The following THADA variants were observed in gnomAD, a reference collection of about 807,000 sequenced individuals.
The protein encoded by THADA is THADA armadillo repeat containing.
Under a neutral mutation model 219.8 loss-of-function variants are expected in THADA, and 213 were observed. The ratio of observed to expected loss-of-function variants is 0.97; its 90% CI spans 0.87 to 1.09. THADA has a LOEUF of 1.09. THADA is among the 50% of genes least tolerant of loss of function. THADA has a pLI of 0.00. For missense variants in THADA, 2,956 were observed against 2,311.3 expected (o/e 1.28, Z -5.72); for synonymous variants, 1,018 against 828.9 (o/e 1.23, Z -3.92).
intron 28 of THADA, among the ~76,000 whole-genome samples, chr2:43,402,051 CCA>C (rs1372778116): frequency 1.3e-5 from 2 of 152,058 alleles, no homozygotes; most frequent in Admixed American, 6.5e-5. Flanking sequence ...ACACAATTTC[CCA>C]CACAGTTTCA....
intron 35 of THADA, among the ~76,000 whole-genome samples, chr2:43,281,656 A>C (rs1673379698): frequency 6.6e-6 from 1 of 151,906 alleles, no homozygotes; most frequent in Non-Finnish European, 1.5e-5. Flanking sequence ...GGTCAGGCTC[A>C]AACTCCTGAC....
At chr2:43,336,348 C>T (rs781490023) in intron 30 of THADA, among the ~76,000 whole-genome samples, 4 of 151,966 alleles carry the variant, frequency 2.6e-5, no homozygotes, top group East Asian at 1.9e-4. Context: ...CTCGGCTCAC[C>T]GTAAACTCCG....
At chr2:43,288,114 A>G (rs952204381) in intron 34 of THADA, among the ~76,000 whole-genome samples, 1 of 152,224 alleles carries the variant, frequency 6.6e-6, no homozygotes, top group Non-Finnish European at 1.5e-5. Context: ...TGTTTCTATT[A>G]CAACATTTAA....
chr2:43,436,280 G>T (rs1680090838), intron 26 of THADA, among the ~76,000 whole-genome samples: 3 of 152,156 alleles, frequency 2.0e-5, no homozygotes, highest in Non-Finnish European at 4.4e-5. Context: ...TGACACCTGG[G>T]AAGAGACTAT....
At chr2:43,588,348 T>C (rs1237819312) in intron 4 of THADA, among the ~76,000 whole-genome samples, 3 of 151,686 alleles carry the variant, frequency 2.0e-5, no homozygotes, top group African/African-American at 7.3e-5. Flanking sequence ...AATCTTGTAT[T>C]ACAGAAAGCA....
intron 3 of THADA, among the ~76,000 whole-genome samples, chr2:43,591,538 G>GT (rs989047095): frequency 6.6e-6 from 1 of 151,320 alleles, no homozygotes; most frequent in Admixed American, 6.6e-5. Context: ...TAAAAAACCA[G>GT]TAATACATTT....
intron 31 of THADA, among the ~76,000 whole-genome samples, chr2:43,296,872 G>A (rs1037562983): frequency 9.2e-6 from 1 of 108,608 alleles, no homozygotes; most frequent in South Asian, 2.4e-4. Context: ...TGGAGGAGCG[G>A]ACGGGCCCCG....
intron 31 of THADA, among the ~76,000 whole-genome samples, chr2:43,314,817 G>A (rs1677894937): frequency 2.0e-5 from 3 of 152,150 alleles, no homozygotes; most frequent in Admixed American, 6.5e-5. Flanking sequence ...GAACACAGGG[G>A]ACAGAGAGTC....
At chr2:43,450,296 A>T (rs922937782) in intron 26 of THADA, among the ~76,000 whole-genome samples, 1 of 152,222 alleles carries the variant, frequency 6.6e-6, no homozygotes, top group African/African-American at 2.4e-5. Flanking sequence ...AAAATAAAAC[A>T]ACTACTAATG....
chr2:43,515,049 T>C (rs559137570), intron 22 of THADA, among the ~76,000 whole-genome samples: 1 of 58,454 alleles, frequency 1.7e-5, no homozygotes, highest in Non-Finnish European at 2.8e-5. Context: ...AATATATATA[T>C]TTTATATATA....
Position 43,571,766 on chromosome 2 carries a change from A to G in THADA, c.2005T>C (p.Tyr669His), listed in dbSNP as rs764526891. Residue 669 changes from tyrosine (Y) to histidine (H), a missense_variant, in exon 13 of 38, where the codon TAC (tyrosine) becomes CAC (histidine). By Grantham distance (83) the Tyr-to-His change is moderately conservative. Transcript: ENST00000405975. ...CCTGGAGACTGGCTGTTAAGATTGT[A>G]TGTAATAAAGAACTGAATCCACTGC... ...EMQWIQFFITYNLNSQSPGVR... is the reference protein window; with the variant it reads ...EMQWIQFFITHNLNSQSPGVR... The G allele has an allele frequency of 1.9e-6, 3 of 1,613,948 alleles. No homozygotes were observed. Among genetic ancestry groups the G allele is most frequent in the Non-Finnish European group, 2.5e-6 (3 of 1,179,836 alleles).
intron 29 of THADA, among the ~76,000 whole-genome samples, chr2:43,348,185 T>C (rs1483448873): frequency 6.6e-6 from 1 of 152,218 alleles, no homozygotes; most frequent in Non-Finnish European, 1.5e-5. Context: ...ATTTCCATTT[T>C]GAAAAATTAG....
In THADA at chr2:43,577,067, G is replaced by C. The variant is rs759772148; in HGVS notation, c.992C>G (p.Ala331Gly). The C allele has an allele frequency of 2.4e-5, 39 of 1,613,424 alleles. No homozygotes were observed. In the South Asian group the frequency reaches 4.2e-4, roughly 17 times the overall value. The change falls in exon 10 of 38, where the codon GCC (alanine) becomes GGC (glycine). Residue 331 changes from alanine to glycine, a missense_variant. By Grantham distance (60) the Ala-to-Gly change is moderately conservative. Coordinates refer to ENST00000405975, the MANE Select transcript of THADA (RefSeq NM_022065.5). ...QNGSMGRSGEALLLDTAHVLF... is the reference protein window; with the variant it reads ...QNGSMGRSGEGLLLDTAHVLF... ...AACATGTGCAGTATCCAAGAGCAGG[G>C]CCTCCCCACTCCGACCCATGCTTCC...
intron 26 of THADA, among the ~76,000 whole-genome samples, chr2:43,474,315 T>C (rs574226439): frequency 1.3e-5 from 2 of 152,322 alleles, no homozygotes; most frequent in African/African-American, 2.4e-5. Flanking sequence ...CAGGTACAAT[T>C]ACACAGTGAA....
intron 36 of THADA, among the ~76,000 whole-genome samples, chr2:43,245,172 C>CTTCTTTTTTTTTTTTTTTTT (rs796699945): frequency 2.9e-5 from 3 of 103,144 alleles, no homozygotes; most frequent in African/African-American, 1.5e-4. Flanking sequence ...CTTTCTTCTT[C>CTTCTTTTTTTTTTTTTTTTT]TTTTTTTTTT....
chr2:43,477,161 C>G (rs1401834473), intron 26 of THADA, among the ~76,000 whole-genome samples: 1 of 152,036 alleles, frequency 6.6e-6, no homozygotes, highest in Non-Finnish European at 1.5e-5. Context: ...CAGAAATATG[C>G]CTTTCACCTG....
At chr2:43,360,472 G>A (rs1261646432) in intron 29 of THADA, among the ~76,000 whole-genome samples, 1 of 152,180 alleles carries the variant, frequency 6.6e-6, no homozygotes, top group Non-Finnish European at 1.5e-5. Context: ...ATATGTTTGT[G>A]TCGTGGGCCA....
At chr2:43,563,213 T>G (rs1698286128) in intron 15 of THADA, 1 of 152,240 alleles carries the variant, frequency 6.6e-6, no homozygotes, top group South Asian at 2.1e-4. Flanking sequence ...AGCACAGCTT[T>G]TGCTGCAATG....
intron 22 of THADA, among the ~76,000 whole-genome samples, chr2:43,525,702 G>C (rs1350767595): frequency 2.0e-5 from 3 of 152,160 alleles, no homozygotes; most frequent in African/African-American, 7.2e-5. Flanking sequence ...CCCTAAGGAA[G>C]AATCACCCAG....
Sources: allele counts gnomAD v4.1 joint callset (sites outside exome capture counted in the v4.1 genomes callset), GRCh38; gene constraint gnomAD v4.1.1; transcripts MANE v1.5; gene names NCBI Gene and HGNC (gene_info 2026-07-23, HGNC 2026-07-21).